PFDN1: variants seen among roughly 807,000 people sequenced by gnomAD.
PFDN1 encodes the protein prefoldin subunit 1, also known as prefoldin 1.
PFDN1 carries 6 observed loss-of-function variants against 17.3 expected under a neutral mutation model. That is an observed-to-expected ratio of 0.35 (90% CI 0.19 to 0.69). The LOEUF is 0.69. Among genes scored for constraint, PFDN1 ranks in the 30% least tolerant of loss-of-function variants. The pLI, the probability that PFDN1 is intolerant of heterozygous loss-of-function variation, is 0.65. For synonymous variants in PFDN1, 58 were observed against 50.1 expected, an observed-to-expected ratio of 1.16 and a Z score of -0.67; for missense variants, 113 against 146.2, an observed-to-expected ratio of 0.77 and a Z score of 1.17.
chr5:140,247,145 T>C (rs1222880444), intron 3 of PFDN1, among the ~76,000 whole-genome samples: 3 of 152,134 alleles, frequency 2.0e-5, no homozygotes, highest in Non-Finnish European at 4.4e-5. Context: ...TGTTTGTATG[T>C]TTTATTTATT....
intron 2 of PFDN1, among the ~76,000 whole-genome samples, chr5:140,286,127 T>G (rs1765484420): frequency 6.6e-6 from 1 of 151,948 alleles, no homozygotes; most frequent in Admixed American, 6.6e-5. Flanking sequence ...AATTAGCACG[T>G]CAGCCAGGCG....
At chr5:140,295,353 T>G (rs1415214063) in intron 2 of PFDN1, among the ~76,000 whole-genome samples, 1 of 152,180 alleles carries the variant, frequency 6.6e-6, no homozygotes, top group Non-Finnish European at 1.5e-5. Flanking sequence ...ATTATAAACA[T>G]TTTTATCCAT....
chr5:140,293,808 A>C (rs189964103), intron 2 of PFDN1, among the ~76,000 whole-genome samples: 4 of 152,148 alleles, frequency 2.6e-5, no homozygotes, highest in Admixed American at 1.3e-4. Context: ...CAGAGTACTA[A>C]ATCTGTGCAA....
At chr5:140,269,298 C>A (rs1765173106) in intron 3 of PFDN1, among the ~76,000 whole-genome samples, 1 of 151,962 alleles carries the variant, frequency 6.6e-6, no homozygotes, top group Non-Finnish European at 1.5e-5. Context: ...TAGGCATGAG[C>A]CACAGCACCC....
intron 3 of PFDN1, among the ~76,000 whole-genome samples, chr5:140,276,570 C>CAGGAGTTCA (rs951480235): frequency 6.6e-6 from 1 of 151,884 alleles, no homozygotes; most frequent in Non-Finnish European, 1.5e-5. Flanking sequence ...CATCTGAGGT[C>CAGGAGTTCA]AGGAGTTCAA....
intron 3 of PFDN1, among the ~76,000 whole-genome samples, chr5:140,252,156 A>T (rs1006856050): frequency 3.3e-5 from 5 of 151,722 alleles, no homozygotes; most frequent in African/African-American, 1.2e-4. Flanking sequence ...TAGCCACACG[A>T]CACTTTCTTC....
At chr5:140,273,167 C>T (rs1765234692) in intron 3 of PFDN1, among the ~76,000 whole-genome samples, 3 of 151,632 alleles carry the variant, frequency 2.0e-5, no homozygotes, top group Admixed American at 6.6e-5. Context: ...ATCGCTTGAA[C>T]CCAGGAGGCG....
intron 2 of PFDN1, among the ~76,000 whole-genome samples, chr5:140,284,835 C>T (rs948805218): frequency 6.6e-6 from 1 of 152,230 alleles, no homozygotes; most frequent in African/African-American, 2.4e-5. Flanking sequence ...GCACTGTCCA[C>T]TCTCAAGGAC....
intron 3 of PFDN1, among the ~76,000 whole-genome samples, chr5:140,272,187 T>G (rs1022416758): frequency 9.9e-5 from 15 of 151,392 alleles, no homozygotes; most frequent in Non-Finnish European, 2.2e-4. Flanking sequence ...GCCCAGCTAA[T>G]TTTTGTATTT....
intron 3 of PFDN1, among the ~76,000 whole-genome samples, chr5:140,251,273 A>G (rs1764908811): frequency 6.6e-6 from 1 of 152,174 alleles, no homozygotes; most frequent in Non-Finnish European, 1.5e-5. Context: ...TTTACCCCAT[A>G]AATCTATACA....
At chr5:140,280,113 A>C (rs980775522) in intron 3 of PFDN1, among the ~76,000 whole-genome samples, 2 of 151,928 alleles carry the variant, frequency 1.3e-5, no homozygotes, top group African/African-American at 4.8e-5. Flanking sequence ...TTAACAATTT[A>C]ATATATATCC....
chr5:140,300,437 A>G lies in PFDN1; in HGVS notation c.179T>C (p.Met60Thr), dbSNP rs543278237. 1 of 1,608,064 alleles carries G rather than the reference A, an allele frequency of 6.2e-7. No individual in the cohort carries two copies. Among genetic ancestry groups the G allele is most frequent in the Non-Finnish European group, 8.5e-7 (1 of 1,175,360 alleles). ...TTACATTCTTCCTACACCTTCATACATGTTAGTCTCATCTACCAAAGTCAT... is the reference window on the plus strand; with the variant it reads ...TTACATTCTTCCTACACCTTCATACGTGTTAGTCTCATCTACCAAAGTCAT... Reference protein sequence around the residue: ...EIMTLVDETNMYEGVGRMFIL... With the variant: ...EIMTLVDETNTYEGVGRMFIL... The change falls in exon 2 of 4, where the codon ATG becomes ACG. Residue 60 changes from methionine (M) to threonine (T), a missense_variant. Met to Thr is a moderately conservative substitution (Grantham distance 81). Coordinates refer to ENST00000261813, the MANE Select transcript of PFDN1 (RefSeq NM_002622.5).
intron 2 of PFDN1, among the ~76,000 whole-genome samples, chr5:140,299,918 AGG>A (rs1765715892): frequency 6.6e-6 from 1 of 152,022 alleles, no homozygotes; most frequent in Non-Finnish European, 1.5e-5. Flanking sequence ...AGGCTGAAGC[AGG>A]GGAATCGCTT....
chr5:140,261,482 T>TA (rs565842223), intron 3 of PFDN1, among the ~76,000 whole-genome samples: 2 of 151,722 alleles, frequency 1.3e-5, no homozygotes, highest in Non-Finnish European at 2.9e-5. Context: ...TGTACACAAC[T>TA]AAAAAAATAG....
intron 3 of PFDN1, among the ~76,000 whole-genome samples, chr5:140,260,879 G>A (rs572678174): frequency 2.0e-4 from 31 of 151,872 alleles, no homozygotes; most frequent in African/African-American, 7.0e-4. Flanking sequence ...GACAGGACAC[G>A]GGCCGGGCAC....
intron 3 of PFDN1, among the ~76,000 whole-genome samples, chr5:140,273,649 A>C (rs1282311923): frequency 6.6e-6 from 1 of 150,674 alleles, no homozygotes; most frequent in South Asian, 2.1e-4. Context: ...AAACGTCAAG[A>C]CTTTAACAGT....
chr5:140,285,415 T>C (rs918569270), intron 2 of PFDN1, among the ~76,000 whole-genome samples: 3 of 152,128 alleles, frequency 2.0e-5, no homozygotes, highest in Admixed American at 2.0e-4. Flanking sequence ...GGAAAGTTAC[T>C]GAATTTTTAC....
At chr5:140,288,878 C>A (rs1284626150) in intron 2 of PFDN1, among the ~76,000 whole-genome samples, 1 of 151,898 alleles carries the variant, frequency 6.6e-6, no homozygotes, top group African/African-American at 2.4e-5. Context: ...TCCAGGTACT[C>A]GGGAGGCTGA....
At chr5:140,281,362 A>T (rs1765395662) in intron 3 of PFDN1, 87 bp downstream of exon 3, 1 of 662,882 alleles carries the variant, frequency 1.5e-6, no homozygotes, top group Non-Finnish European at 2.7e-6. Context: ...TTACTTTGGC[A>T]GGCAGGCATA....
Sources: gnomAD v4.1 joint callset for allele counts (sites outside exome capture counted in the v4.1 genomes callset) on GRCh38, gnomAD v4.1.1 for gene constraint, MANE v1.5 for transcripts, NCBI Gene and HGNC (gene_info 2026-07-23, HGNC 2026-07-21) for gene names.